The following TXNRD1 variants were observed in gnomAD, a reference collection of about 807,000 sequenced individuals.
The protein encoded by TXNRD1 is thioredoxin reductase 1, also known as thioredoxin reductase 1, cytoplasmic.
In TXNRD1, 57 loss-of-function variants were observed where a neutral mutation model predicts 80.3. That is an observed-to-expected ratio of 0.71 (90% confidence interval 0.57 to 0.89). TXNRD1 has a LOEUF of 0.89. Ranked by LOEUF, TXNRD1 falls within the 40% of genes least tolerant of loss-of-function variation. The pLI is 0.00. For missense variants in TXNRD1, 730 were observed against 803.0 expected (o/e 0.91, Z 1.10); for synonymous variants, 291 against 285.2 (o/e 1.02, Z -0.20).
chr12:104,304,446 T>G lies in TXNRD1; in HGVS notation c.415-6844T>G, dbSNP rs537709102. 3.5e-5 allele frequency: 57 copies of G among 1,614,042 alleles called. 1 individual carries two copies. Among genetic ancestry groups the G allele is most frequent in the South Asian group, 3.5e-4 (32 of 91,084 alleles). On this transcript the variant is annotated intron_variant, in intron 4 of 16. Coordinates refer to ENST00000525566, the MANE Select transcript of TXNRD1 (RefSeq NM_001093771.3). Reference sequence around the variant, plus strand: ...GTAAAAGCTGAGACATTCCATTTTGTTTTTGGTTCATTCAAGCTAGAACGT... The same window carrying G: ...GTAAAAGCTGAGACATTCCATTTTGGTTTTGGTTCATTCAAGCTAGAACGT...
At chr12:104,341,849 C>G (rs531643920) in intron 16 of TXNRD1, among the ~76,000 whole-genome samples, 2 of 152,194 alleles carry the variant, frequency 1.3e-5, no homozygotes, top group Non-Finnish European at 2.9e-5. Context: ...TCTGACCTAC[C>G]AGCTATAAAG....
At chr12:104,295,355 C>T (rs746645296) in intron 4 of TXNRD1, among the ~76,000 whole-genome samples, 6 of 152,184 alleles carry the variant, frequency 3.9e-5, no homozygotes, top group Non-Finnish European at 8.8e-5. Flanking sequence ...TTTACTTTTG[C>T]CTGGACCATT....
intron 3 of TXNRD1, among the ~76,000 whole-genome samples, chr12:104,263,314 C>T (rs749617095): frequency 7.2e-4 from 110 of 152,252 alleles, no homozygotes; most frequent in Non-Finnish European, 2.4e-4. Flanking sequence ...ACTGGCAATT[C>T]GTGGCCCCTC....
chr12:104,236,111 G>T (rs1039334790), intron 1 of TXNRD1, among the ~76,000 whole-genome samples: 9 of 152,148 alleles, frequency 5.9e-5, no homozygotes, highest in African/African-American at 1.7e-4. Context: ...TCTGTTCCCA[G>T]GCAAGAGGGA....
intron 4 of TXNRD1, among the ~76,000 whole-genome samples, chr12:104,302,506 T>TTTTTTTTTTTTTTTC: frequency 6.8e-6 from 1 of 147,760 alleles, no homozygotes; most frequent in Non-Finnish European, 1.5e-5. Flanking sequence ...TTTTTTTTTT[T>TTTTTTTTTTTTTTTC]TGAGACGGAG....
chr12:104,219,242 A>G (rs1268655457), intron 1 of TXNRD1, among the ~76,000 whole-genome samples: 2 of 152,168 alleles, frequency 1.3e-5, no homozygotes, highest in African/African-American at 4.8e-5. Context: ...ATACATAACT[A>G]TTGACATTAA....
At chr12:104,327,753 T>C in intron 13 of TXNRD1, 82 bp downstream of exon 13, 2 of 1,461,830 alleles carry the variant, frequency 1.4e-6, no homozygotes, top group Non-Finnish European at 9.3e-7. Flanking sequence ...TTGGGAAGTT[T>C]CGCAGATCTT....
chr12:104,340,382 T>G (rs1020225434), intron 16 of TXNRD1, among the ~76,000 whole-genome samples: 2 of 152,214 alleles, frequency 1.3e-5, no homozygotes, highest in African/African-American at 4.8e-5. Flanking sequence ...CTTTCTTGAG[T>G]ACATTAGTTT....
intron 3 of TXNRD1, chr12:104,265,469 T>C: frequency 6.2e-7 from 1 of 1,607,990 alleles, no homozygotes; most frequent in Non-Finnish European, 8.5e-7. Flanking sequence ...TTAAAGAAGA[T>C]GAAGAAGTCT....
At chr12:104,219,034 CT>C (rs2032286500) in intron 1 of TXNRD1, among the ~76,000 whole-genome samples, 1 of 152,198 alleles carries the variant, frequency 6.6e-6, no homozygotes, top group African/African-American at 2.4e-5. Flanking sequence ...AACTGAACTG[CT>C]GGGCTCAAGT....
intron 4 of TXNRD1, among the ~76,000 whole-genome samples, chr12:104,310,772 A>G (rs1039765574): frequency 6.6e-6 from 1 of 152,254 alleles, no homozygotes. Flanking sequence ...TATTTAAAAT[A>G]TCCTACAAAA....
At chr12:104,330,482 G>A (rs79906076) in intron 13 of TXNRD1, among the ~76,000 whole-genome samples, 309 of 152,248 alleles carry the variant, frequency 2.0e-3, no homozygotes, top group African/African-American at 7.2e-3. Flanking sequence ...ATAGTCCTAA[G>A]AGTTAACCTT....
At chr12:104,280,091 A>T (rs989801421) in intron 3 of TXNRD1, among the ~76,000 whole-genome samples, 1 of 147,062 alleles carries the variant, frequency 6.8e-6, no homozygotes. Flanking sequence ...AAATTCCTCT[A>T]TCCTACATCC....
intron 3 of TXNRD1, among the ~76,000 whole-genome samples, chr12:104,279,678 C>T (rs2135733813): frequency 6.6e-6 from 1 of 152,296 alleles, no homozygotes; most frequent in East Asian, 1.9e-4. Context: ...CTTTTTGCTC[C>T]TTCTTTGGAA....
At position 104,331,559 on chromosome 12, in the gene TXNRD1, C is replaced by CTG; in HGVS notation, c.1570_1571dup (p.Phe525TyrfsTer52). ...TGTGACTATGAAAATGTTCCAACCA[C>CTG]TGTATTTACTCCTTTGGAATATGGT... On this transcript the variant is annotated frameshift_variant, in exon 14 of 17. Coordinates refer to ENST00000525566, the MANE Select transcript of TXNRD1 (RefSeq NM_001093771.3). LOFTEE classifies it high-confidence loss of function. The CTG allele has an allele frequency of 6.2e-7, 1 of 1,610,312 alleles. No individual in the cohort carries two copies. Among genetic ancestry groups the CTG allele is most frequent in the Non-Finnish European group, 8.5e-7 (1 of 1,177,772 alleles).
At chr12:104,311,487 C>T (rs964260019) in intron 5 of TXNRD1, 75 bp downstream of exon 5, 2 of 1,534,446 alleles carry the variant, frequency 1.3e-6, no homozygotes, top group African/African-American at 1.4e-5. Flanking sequence ...ACAGGGTTCT[C>T]TCCTCTCTCT....
chr12:104,322,869 C>T (rs1182136393), intron 10 of TXNRD1, among the ~76,000 whole-genome samples: 1 of 146,052 alleles, frequency 6.8e-6, no homozygotes, highest in Non-Finnish European at 1.5e-5. Flanking sequence ...TTGGCAGGGT[C>T]ATGGGACAAT....
chr12:104,235,293 C>T (rs962698592), intron 1 of TXNRD1, among the ~76,000 whole-genome samples: 3 of 152,018 alleles, frequency 2.0e-5, no homozygotes, highest in Admixed American at 1.3e-4. Flanking sequence ...GGGGTGGGGG[C>T]TACAAAAGTA....
intron 16 of TXNRD1, among the ~76,000 whole-genome samples, chr12:104,343,204 G>A (rs1265432441): frequency 2.6e-5 from 4 of 152,120 alleles, no homozygotes; most frequent in Non-Finnish European, 4.4e-5. Context: ...TTTGACAGAC[G>A]AGGAAACCAA....
Sources: allele counts gnomAD v4.1 joint callset (sites outside exome capture counted in the v4.1 genomes callset), GRCh38; gene constraint gnomAD v4.1.1; transcripts MANE v1.5; gene names NCBI Gene and HGNC (gene_info 2026-07-23, HGNC 2026-07-21).